BRWD1: variants seen among roughly 807,000 people sequenced by gnomAD.
The protein encoded by BRWD1 is bromodomain and WD repeat-containing protein 1.
BRWD1 carries 82 observed loss-of-function variants against 251.2 expected under a neutral mutation model. The ratio of observed to expected loss-of-function variants is 0.33; its 90% CI spans 0.27 to 0.39. The LOEUF is 0.39. BRWD1 is among the 10% of genes least tolerant of loss of function. The probability of loss-of-function intolerance (pLI) is 1.00; values close to 1 mark genes in which losing one functional copy is unlikely to be tolerated. For missense variants in BRWD1, 2,233 were observed against 2,711.6 expected, an observed-to-expected ratio of 0.82 and a Z score of 3.92; for synonymous variants, 918 against 902.8, an observed-to-expected ratio of 1.02 and a Z score of -0.30.
intron 4 of BRWD1, among the ~76,000 whole-genome samples, chr21:39,300,189 T>C (rs1470222236): frequency 1.3e-5 from 2 of 152,078 alleles, no homozygotes; most frequent in South Asian, 2.1e-4. Flanking sequence ...TTTTTTCCCA[T>C]AGGCCTTCAC....
intron 8 of BRWD1, among the ~76,000 whole-genome samples, chr21:39,281,790 T>C (rs1305672272): frequency 6.6e-6 from 1 of 151,228 alleles, no homozygotes; most frequent in African/African-American, 2.4e-5. Flanking sequence ...ATCGCTTGAA[T>C]CCGGGAGGCA....
chr21:39,210,882 G>T lies in BRWD1; in HGVS notation c.3948C>A (p.Ser1316Arg). 1 of 1,612,438 alleles carries T rather than the reference G, an allele frequency of 6.2e-7. No homozygotes were observed. Among genetic ancestry groups the T allele is most frequent in the Non-Finnish European group, 8.5e-7 (1 of 1,179,406 alleles). ...GTTCCTTACACTGTTTCTTCCAGTT[G>T]CTTTCAACATAGTTCGTAGCTCTGA... is the stretch of plus-strand genomic sequence containing the variant. ...KSIRATNYVE[S>R]NWKKQCKELV... The change falls in exon 35 of 41, where the codon AGC becomes AGA. Residue 1316 changes from serine (S) to arginine (R), a missense_variant. By Grantham distance (110) the Ser-to-Arg change is moderately radical. This residue lies in a region of BRWD1 where 167 missense variants were observed against 183.2 expected (regional missense o/e 0.91). Coordinates refer to ENST00000342449, the MANE Select transcript of BRWD1 (RefSeq NM_033656.4).
chr21:39,246,435 C>G (rs768643938), intron 21 of BRWD1, among the ~76,000 whole-genome samples: 7 of 152,186 alleles, frequency 4.6e-5, no homozygotes, highest in Non-Finnish European at 1.0e-4. Context: ...TAGAGCCAAT[C>G]TGAAGGAGTC....
intron 32 of BRWD1, among the ~76,000 whole-genome samples, chr21:39,214,602 A>G (rs1431591294): frequency 6.6e-6 from 1 of 152,092 alleles, no homozygotes; most frequent in African/African-American, 2.4e-5. Context: ...TAAATTCTAC[A>G]CTTTCTGTCA....
chr21:39,213,947 A>T (rs553227941), intron 32 of BRWD1, among the ~76,000 whole-genome samples: 8 of 151,126 alleles, frequency 5.3e-5, no homozygotes, highest in Non-Finnish European at 1.0e-4. Context: ...TAAGGGAAAA[A>T]GGAATTGAAA....
chr21:39,288,267 T>C (rs996172364), intron 8 of BRWD1, among the ~76,000 whole-genome samples: 2 of 152,164 alleles, frequency 1.3e-5, no homozygotes, highest in Non-Finnish European at 2.9e-5. Context: ...TATGTTGTAG[T>C]GTAACTTCAG....
intron 3 of BRWD1, 23 bp downstream of exon 3, chr21:39,313,049 C>T (rs35687055): frequency 0.3 from 409,584 of 1,376,640 alleles, 63,493 homozygotes; most frequent in African/African-American, 0.5. Flanking sequence ...CCCGAGGGAG[C>T]GCGGGGACGG....
At chr21:39,256,578 G>A (rs1394916048) in intron 18 of BRWD1, among the ~76,000 whole-genome samples, 1 of 152,116 alleles carries the variant, frequency 6.6e-6, no homozygotes, top group Admixed American at 6.6e-5. Flanking sequence ...ATAGGAGGCT[G>A]CGCAACCTCC....
intron 4 of BRWD1, among the ~76,000 whole-genome samples, chr21:39,305,607 GTAATTCCAGCAC>G (rs1265620670): frequency 6.6e-6 from 1 of 152,110 alleles, no homozygotes; most frequent in Non-Finnish European, 1.5e-5. Flanking sequence ...GCTCACACCT[GTAATTCCAGCAC>G]TTTGGGAGGC....
At position 39,308,941 on chromosome 21, in the gene BRWD1, C is replaced by T. The variant is rs181425675; in HGVS notation, c.198+3900G>A. 5.5e-3 allele frequency among the ~76,000 whole-genome samples: 837 copies of T among 151,730 alleles called. 4 individuals carry two copies. Among genetic ancestry groups the T allele is most frequent in the Non-Finnish European group, 8.8e-3 (595 of 67,852 alleles). ...CTATAATCCCAGCACTTTGGGAGGC[C>T]GAGGCGGGCAGGTCACAAGGTCAAG... On this transcript the variant is annotated intron_variant, in intron 4 of 40. Transcript: ENST00000342449.
chr21:39,280,159 G>A lies in BRWD1; in HGVS notation c.921C>T (p.Ser307=). 6.3e-7 allele frequency: 1 copy of A among 1,590,982 alleles called. No individual in the cohort carries two copies. The highest frequency in any genetic ancestry group is 8.5e-7 in the Non-Finnish European group (1 of 1,172,050). The change falls in exon 9 of 41, where the codon TCC becomes TCT. Residue 307 remains serine, a synonymous_variant. Coordinates refer to ENST00000342449, the MANE Select transcript of BRWD1 (RefSeq NM_033656.4). ...TVCFWQWDLE[S]LKFSPRPLKF... The stretch of plus-strand genomic sequence containing the variant: ...TTAAAGCCACTTACCTAAATTTTAA[G>A]GATTCTAAATCCCATTGCCAAAAGC...
Position 39,196,944 on chromosome 21 carries a change from G to C in BRWD1, c.6125C>G (p.Ser2042Cys). Residue 2042 changes from serine to cysteine, a missense_variant, in exon 41 of 41, where the codon TCT (serine) becomes TGT (cysteine). Transcript: ENST00000342449. ...TGTAACAGAGGAACTTTTTCTTTTA[G>C]AAGGTGCATCTATTTTGTGAATATT... ...HTNIHKIDAP[S>C]KRKSSSVTSS... is the part of the protein sequence containing the mutation. 1 of 1,613,856 alleles carries C rather than the reference G, an allele frequency of 6.2e-7. No homozygotes were observed. Among genetic ancestry groups the C allele is most frequent in the Non-Finnish European group, 8.5e-7 (1 of 1,179,916 alleles).
At chr21:39,252,404 G>C (rs2034425232) in intron 19 of BRWD1, among the ~76,000 whole-genome samples, 1 of 152,066 alleles carries the variant, frequency 6.6e-6, no homozygotes, top group Admixed American at 6.6e-5. Context: ...TTACCTTTAT[G>C]CTTTTATATC....
At chr21:39,295,664 A>G in intron 7 of BRWD1, 79 bp downstream of exon 7, 2 of 1,186,922 alleles carry the variant, frequency 1.7e-6, no homozygotes, top group Non-Finnish European at 1.1e-6. Context: ...GGAAACAGAA[A>G]CTAAGATTTC....
At chr21:39,212,626 A>G (rs777291868) in intron 34 of BRWD1, 40 bp downstream of exon 34, 2 of 1,467,434 alleles carry the variant, frequency 1.4e-6, no homozygotes, top group South Asian at 1.2e-5. Context: ...TAAAACAAAG[A>G]AAAAGAAACT....
chr21:39,294,602 C>T (rs2035903024), intron 7 of BRWD1, among the ~76,000 whole-genome samples: 1 of 147,268 alleles, frequency 6.8e-6, no homozygotes, highest in Non-Finnish European at 1.5e-5. Context: ...TTGCAGTGAG[C>T]GGAGATTGCG....
intron 17 of BRWD1, among the ~76,000 whole-genome samples, chr21:39,262,401 T>G (rs2034781229): frequency 6.6e-6 from 1 of 152,010 alleles, no homozygotes; most frequent in Admixed American, 6.6e-5. Flanking sequence ...CCACACTAAG[T>G]CAAAGAAGCC....
intron 13 of BRWD1, among the ~76,000 whole-genome samples, chr21:39,273,218 A>G (rs1568938623): frequency 6.6e-6 from 1 of 152,218 alleles, no homozygotes; most frequent in Non-Finnish European, 1.5e-5. Context: ...AATAGGTGAA[A>G]CTGACTTTAA....
Position 39,191,079 on chromosome 21 carries a change from G to C in BRWD1, c.*5180C>G. On this transcript the variant is annotated 3_prime_UTR_variant, in exon 41 of 41. Coordinates refer to ENST00000342449, the MANE Select transcript of BRWD1 (RefSeq NM_033656.4). ...GACTTTATACTTAACTGCTTAATTT[G>C]CTTTTTAGAAGCAATACCTTAAGAG... is the stretch of plus-strand genomic sequence containing the variant. 3 of 985,096 alleles carry C rather than the reference G, an allele frequency of 3.0e-6. No individual in the cohort carries two copies. The highest frequency in any genetic ancestry group is 1.1e-4 in the East Asian group (1 of 8,822). 61.0% of individuals were successfully genotyped at this position (985,096 alleles called of 1,614,324 possible).
Sources: allele counts gnomAD v4.1 joint callset (sites outside exome capture counted in the v4.1 genomes callset), GRCh38; gene constraint gnomAD v4.1.1; regional missense constraint gnomAD v4.1.1; transcripts MANE v1.5; gene names NCBI Gene and HGNC (gene_info 2026-07-23, HGNC 2026-07-21).